Variants in LBH observed in about 807,000 individuals in gnomAD.
The protein encoded by LBH is LBH regulator of Wnt signaling pathway, also known as protein LBH.
In LBH, 7 loss-of-function variants were observed where a neutral mutation model predicts 12.5. The observed-to-expected ratio is 0.56, with a 90% confidence interval of 0.32 to 1.05. The LOEUF (loss-of-function observed/expected upper bound fraction) is 1.05. LBH is among the 50% of genes least tolerant of loss of function. The pLI is 0.04. For missense variants in LBH, 119 were observed against 138.9 expected (o/e 0.86, Z 0.72); for synonymous variants, 51 against 50.1 (o/e 1.02, Z -0.08).
intron 2 of LBH, among the ~76,000 whole-genome samples, chr2:30,245,751 T>C (rs1175546379): frequency 6.6e-6 from 1 of 152,192 alleles, no homozygotes; most frequent in African/African-American, 2.4e-5. Context: ...CTAATCCTTA[T>C]TGTGTTTTTT....
At chr2:30,256,371 T>G (rs1357967881) in intron 2 of LBH, among the ~76,000 whole-genome samples, 1 of 152,186 alleles carries the variant, frequency 6.6e-6, no homozygotes, top group Non-Finnish European at 1.5e-5. Context: ...AAAAGGATCC[T>G]TGGATTTTGT....
intron 2 of LBH, among the ~76,000 whole-genome samples, chr2:30,254,639 G>C (rs1678049204): frequency 7.7e-6 from 1 of 129,632 alleles, no homozygotes. Context: ...TCCTCCTTTT[G>C]CTGGGCCTGC....
At chr2:30,232,061 A>G (rs558238031) in intron 1 of LBH, 36 of 1,477,946 alleles carry the variant, frequency 2.4e-5, no homozygotes, top group Admixed American at 1.8e-4. Flanking sequence ...ATCCCCCCCA[A>G]TGAAACCACC....
intron 2 of LBH, among the ~76,000 whole-genome samples, chr2:30,249,106 A>G (rs1677927697): frequency 6.6e-6 from 1 of 152,158 alleles, no homozygotes; most frequent in South Asian, 2.1e-4. Context: ...AGACTGGAGA[A>G]TATTCTTCCT....
At chr2:30,240,588 AT>A (rs1677773931) in intron 2 of LBH, among the ~76,000 whole-genome samples, 1 of 152,170 alleles carries the variant, frequency 6.6e-6, no homozygotes, top group Admixed American at 6.5e-5. Context: ...TCAGGAAGAT[AT>A]CGTTATCAGC....
chr2:30,235,154 C>G (rs1012853251), intron 2 of LBH, among the ~76,000 whole-genome samples: 30 of 152,248 alleles, frequency 2.0e-4, no homozygotes, highest in Middle Eastern at 3.4e-3. Flanking sequence ...CCAGAGTGAG[C>G]CCTCTGGACT....
At chr2:30,232,291 C>G in intron 1 of LBH, 1 of 1,466,572 alleles carries the variant, frequency 6.8e-7, no homozygotes, top group Non-Finnish European at 9.1e-7. Flanking sequence ...AAGCCACAAG[C>G]AGCAGGGCAC....
intron 2 of LBH, among the ~76,000 whole-genome samples, chr2:30,234,889 C>T (rs1025223182): frequency 1.3e-5 from 2 of 152,202 alleles, no homozygotes; most frequent in African/African-American, 4.8e-5. Flanking sequence ...CCTTCCCAGC[C>T]ATGCCTGGGG....
chr2:30,249,121 T>G (rs1316701628), intron 2 of LBH, among the ~76,000 whole-genome samples: 1 of 150,784 alleles, frequency 6.6e-6, no homozygotes, highest in Non-Finnish European at 1.5e-5. Context: ...CTTCCTTCCC[T>G]GCATCTAGTT....
chr2:30,232,370 G>A, intron 1 of LBH: 1 of 985,600 alleles, frequency 1.0e-6, no homozygotes, highest in South Asian at 2.1e-5. Flanking sequence ...GTGGGGGCCG[G>A]GACTGGGAGG....
In LBH at chr2:30,255,983, G is replaced by A. The variant is rs574326440; in HGVS notation, c.130-1450G>A. On this transcript the variant is annotated intron_variant, in intron 2 of 2. Transcript: ENST00000395323. ...GAGTTGCTCATCTACCAAATGGAGA[G>A]GTGGGAAGAGATGGCCATGAAGGTG... 3.7e-4 allele frequency among the ~76,000 whole-genome samples: 57 copies of A among 152,332 alleles called. 1 individual carries two copies. The highest frequency in any genetic ancestry group is 2.7e-3 in the South Asian group (13 of 4,828).
chr2:30,250,661 T>C (rs187368910), intron 2 of LBH, among the ~76,000 whole-genome samples: 8 of 152,028 alleles, frequency 5.3e-5, no homozygotes, highest in East Asian at 1.9e-4. Flanking sequence ...GTCCCTAAAT[T>C]TGGGGCCTTT....
intron 1 of LBH, 196 bp from the exon 2 acceptor site, chr2:30,234,209 T>C (rs1677640462): frequency 4.9e-5 from 28 of 574,500 alleles, no homozygotes; most frequent in South Asian, 4.6e-4. Context: ...GCTTTGTCTG[T>C]TGCGGCTGAG....
At chr2:30,231,849 C>A in intron 1 of LBH, 85 bp downstream of exon 1, 3 of 1,242,612 alleles carry the variant, frequency 2.4e-6, no homozygotes, top group East Asian at 3.1e-5. Flanking sequence ...GCTCCGGGTG[C>A]GAGGGCAGCC....
intron 2 of LBH, among the ~76,000 whole-genome samples, chr2:30,253,958 T>C (rs1678032491): frequency 6.6e-6 from 1 of 152,182 alleles, no homozygotes; most frequent in South Asian, 2.1e-4. Context: ...TGCTATCAAG[T>C]GAACGCTTCA....
At chr2:30,234,262 G>A (rs1677642130) in intron 1 of LBH, 143 bp from the exon 2 acceptor site, 1 of 668,708 alleles carries the variant, frequency 1.5e-6, no homozygotes, top group Non-Finnish European at 2.7e-6. Flanking sequence ...CAGGGTGTGA[G>A]CTTGTTTTGC....
chr2:30,257,430 C>T lies in LBH; in HGVS notation c.130-3C>T, dbSNP rs1189464226. 6.2e-7 allele frequency: 1 copy of T among 1,614,004 alleles called. No homozygotes were observed. Among genetic ancestry groups the T allele is most frequent in the South Asian group, 1.1e-5 (1 of 91,078 alleles). On this transcript the variant is annotated splice_polypyrimidine_tract_variant and splice_region_variant and intron_variant, in intron 2 of 2. Transcript: ENST00000395323. ...CCAGGCACCTGCTCTGCTTTTCTTT[C>T]AGATCTTCCCAGACCCGTCAGATTT...
rs113721073 is a variant in LBH at position 30,257,790 on chromosome 2, C to CTTTTTTTT, written c.*175_*182dup. On this transcript the variant is annotated 3_prime_UTR_variant, in exon 3 of 3. Coordinates refer to ENST00000395323, the MANE Select transcript of LBH (RefSeq NM_030915.4). ...AGTTGGTTTTCTTTTCTTTTCTTGC[C>CTTTTTTTT]TTTTTTTTTTTTTGAAATTTGCCGA... 496 of 402,634 alleles carry CTTTTTTTT rather than the reference C, an allele frequency of 1.2e-3. No homozygotes were observed. Among genetic ancestry groups the CTTTTTTTT allele is most frequent in the African/African-American group, 5.1e-3 (211 of 41,188 alleles). The allele number at this position is 402,634 out of a possible 1,614,324, so 24.9% of individuals were successfully genotyped here.
At chr2:30,233,932 T>G (rs558780777) in intron 1 of LBH, among the ~76,000 whole-genome samples, 19 of 152,342 alleles carry the variant, frequency 1.2e-4, no homozygotes, top group Non-Finnish European at 2.5e-4. Context: ...TTCCCTCCAG[T>G]TGACCTGTTA....
Sources: allele counts gnomAD v4.1 joint callset (sites outside exome capture counted in the v4.1 genomes callset), GRCh38; gene constraint gnomAD v4.1.1; transcripts MANE v1.5; gene names NCBI Gene and HGNC (gene_info 2026-07-23, HGNC 2026-07-21).